The following HCRTR2 variants were observed in gnomAD, a reference collection of about 807,000 sequenced individuals.
HCRTR2 encodes orexin receptor type 2.
In HCRTR2, 22 loss-of-function variants were observed where a neutral mutation model predicts 49.0. The observed-to-expected ratio is 0.45, with a 90% CI of 0.32 to 0.64. HCRTR2 has a LOEUF of 0.64. Among genes scored for constraint, HCRTR2 ranks in the 30% least tolerant of loss-of-function variants. HCRTR2 has a pLI of 0.04. For synonymous variants in HCRTR2, 236 were observed against 205.3 expected (o/e 1.15, Z -1.28); for missense variants, 491 against 559.4 (o/e 0.88, Z 1.23).
chr6:55,205,044 C>T (rs79936924), intron 1 of HCRTR2, among the ~76,000 whole-genome samples: 2 of 152,270 alleles, frequency 1.3e-5, no homozygotes, highest in Non-Finnish European at 2.9e-5. Context: ...TCCCAAAGTT[C>T]TGGGATTACA....
chr6:55,216,555 C>A (rs566188241), intron 1 of HCRTR2, among the ~76,000 whole-genome samples: 7 of 152,276 alleles, frequency 4.6e-5, no homozygotes, highest in African/African-American at 1.7e-4. Flanking sequence ...GGTCCCCAAG[C>A]AACTCTTTAA....
At chr6:55,243,229 T>A (rs2127307794) in intron 1 of HCRTR2, among the ~76,000 whole-genome samples, 1 of 152,344 alleles carries the variant, frequency 6.6e-6, no homozygotes. Flanking sequence ...ATCTGCATTC[T>A]TGCCTTCTGC....
intron 1 of HCRTR2, among the ~76,000 whole-genome samples, chr6:55,209,888 A>G (rs1351756181): frequency 2.0e-5 from 3 of 152,166 alleles, no homozygotes; most frequent in Admixed American, 6.6e-5. Flanking sequence ...TTTACAAAAC[A>G]TTTAATGTCA....
chr6:55,192,087 T>C (rs1362849802), intron 1 of HCRTR2, among the ~76,000 whole-genome samples: 1 of 152,136 alleles, frequency 6.6e-6, no homozygotes, highest in Non-Finnish European at 1.5e-5. Context: ...TGCAAATATA[T>C]CTTATATATA....
chr6:55,220,540 T>C (rs1765870953), intron 1 of HCRTR2, among the ~76,000 whole-genome samples: 1 of 152,072 alleles, frequency 6.6e-6, no homozygotes, highest in Admixed American at 6.5e-5. Flanking sequence ...AAACTATGAA[T>C]AGAAGGCATG....
At chr6:55,173,972 A>G (rs1764988624), upstream of HCRTR2, among the ~76,000 whole-genome samples, 1 of 151,844 alleles carries the variant, frequency 6.6e-6, no homozygotes, top group Non-Finnish European at 1.5e-5. Context: ...ACACAGAGGC[A>G]CCTCCTTATT....
At chr6:55,277,739 T>C in intron 5 of HCRTR2, 139 bp downstream of exon 5, 1 of 704,946 alleles carries the variant, frequency 1.4e-6, no homozygotes, top group Non-Finnish European at 2.4e-6. Context: ...ATGACTCAGT[T>C]ATGTTGTTAC....
intron 1 of HCRTR2, among the ~76,000 whole-genome samples, chr6:55,160,855 G>T (rs765080263): frequency 2.6e-5 from 4 of 151,994 alleles, no homozygotes; most frequent in Non-Finnish European, 5.9e-5. Flanking sequence ...GAGACCTATA[G>T]AGACTTAGAC....
chr6:55,165,651 A>G (rs1196441473), intron 1 of HCRTR2, among the ~76,000 whole-genome samples: 3 of 151,182 alleles, frequency 2.0e-5, no homozygotes, highest in Non-Finnish European at 2.9e-5. Flanking sequence ...ACTTTTTTGC[A>G]TCGTAGAATA....
chr6:55,146,147 C>A (rs1005817886), intron 1 of HCRTR2, among the ~76,000 whole-genome samples: 4 of 152,006 alleles, frequency 2.6e-5, no homozygotes, highest in African/African-American at 9.7e-5. Context: ...AAACATGCAA[C>A]AAATGCTACT....
At chr6:55,148,661 T>G (rs1764625689) in intron 1 of HCRTR2, among the ~76,000 whole-genome samples, 1 of 152,130 alleles carries the variant, frequency 6.6e-6, no homozygotes, top group Non-Finnish European at 1.5e-5. Context: ...GGGAGTATCT[T>G]ATTATGGCTA....
intron 1 of HCRTR2, among the ~76,000 whole-genome samples, chr6:55,158,222 C>T (rs558333218): frequency 6.6e-5 from 10 of 152,264 alleles, no homozygotes; most frequent in African/African-American, 2.2e-4. Flanking sequence ...ACTCCCTCCC[C>T]TAGCCAACGG....
At chr6:55,195,105 G>A (rs994885179) in intron 1 of HCRTR2, among the ~76,000 whole-genome samples, 9 of 151,842 alleles carry the variant, frequency 5.9e-5, no homozygotes, top group African/African-American at 1.9e-4. Context: ...TTAAAGGCAG[G>A]AAGAGAAAAA....
At chr6:55,165,056 A>AT (rs1294419074) in intron 1 of HCRTR2, among the ~76,000 whole-genome samples, 1 of 152,204 alleles carries the variant, frequency 6.6e-6, no homozygotes, top group African/African-American at 2.4e-5. Flanking sequence ...TACCAGCAGA[A>AT]TTGATCCTGC....
upstream of HCRTR2, among the ~76,000 whole-genome samples, chr6:55,171,717 G>A (rs1764952393): frequency 6.6e-6 from 1 of 152,062 alleles, no homozygotes; most frequent in Non-Finnish European, 1.5e-5. Context: ...GCAGGTATCA[G>A]GATAAAATCT....
intron 1 of HCRTR2, among the ~76,000 whole-genome samples, chr6:55,177,605 C>A (rs1765063091): frequency 6.6e-6 from 1 of 152,164 alleles, no homozygotes; most frequent in South Asian, 2.1e-4. Flanking sequence ...ACCATTTGTA[C>A]TTTCATATAA....
intron 2 of HCRTR2, among the ~76,000 whole-genome samples, chr6:55,253,194 GCACA>G (rs34614654): frequency 2.3e-4 from 34 of 148,758 alleles, no homozygotes; most frequent in South Asian, 1.5e-3. Context: ...ACTTCATTTA[GCACA>G]CACACACACA....
intron 1 of HCRTR2, among the ~76,000 whole-genome samples, chr6:55,110,626 G>A (rs531011853): frequency 2.0e-5 from 2 of 101,708 alleles, no homozygotes; most frequent in Non-Finnish European, 4.5e-5. Context: ...TTAAAAAAAA[G>A]ACAAAGAGGG....
At chr6:55,239,772 A>ATTT (rs35160150) in intron 1 of HCRTR2, among the ~76,000 whole-genome samples, 160 of 121,326 alleles carry the variant, frequency 1.3e-3, no homozygotes, top group African/African-American at 2.4e-3. Context: ...TAGGCGGTAA[A>ATTT]TTTTTTTTTT....
Sources: gnomAD v4.1 joint callset for allele counts (sites outside exome capture counted in the v4.1 genomes callset) on GRCh38, gnomAD v4.1.1 for gene constraint, MANE v1.5 for transcripts, NCBI Gene and HGNC (gene_info 2026-07-23, HGNC 2026-07-21) for gene names.